ALG14: variants seen among roughly 807,000 people sequenced by gnomAD.
ALG14 encodes UDP-N-acetylglucosamine transferase subunit ALG14.
A neutral mutation model predicts 22.8 loss-of-function variants in ALG14; 17 were observed. That is an observed-to-expected ratio of 0.75 (90% CI 0.51 to 1.12). The LOEUF is 1.12. Among genes scored for constraint, ALG14 ranks in the 50% most tolerant of loss-of-function variants. The probability of loss-of-function intolerance (pLI) is 0.00; values close to 1 mark genes in which losing one functional copy is unlikely to be tolerated. For missense variants in ALG14, 288 were observed against 271.8 expected (o/e 1.06, Z -0.42); for synonymous variants, 89 against 103.7 (o/e 0.86, Z 0.86).
At chr1:95,062,989 A>T (rs961229126) in intron 2 of ALG14, among the ~76,000 whole-genome samples, 10 of 152,210 alleles carry the variant, frequency 6.6e-5, no homozygotes, top group African/African-American at 2.2e-4. Flanking sequence ...AATAATCGCC[A>T]TTCTGAGTGG....
intron 2 of ALG14, among the ~76,000 whole-genome samples, chr1:95,032,649 C>T (rs888796472): frequency 6.6e-6 from 1 of 152,158 alleles, no homozygotes; most frequent in African/African-American, 2.4e-5. Context: ...AGGGCATCCC[C>T]TTCTGCATCT....
chr1:95,034,590 C>A (rs1674122559), intron 2 of ALG14, among the ~76,000 whole-genome samples: 1 of 152,158 alleles, frequency 6.6e-6, no homozygotes, highest in African/African-American at 2.4e-5. Flanking sequence ...GGAATCTGGA[C>A]TTCCCTAAAG....
At chr1:95,028,030 A>G (rs1467111407) in intron 2 of ALG14, among the ~76,000 whole-genome samples, 1 of 152,274 alleles carries the variant, frequency 6.6e-6, no homozygotes, top group East Asian at 1.9e-4. Context: ...ATGAACTCGT[A>G]TGGAAGATAT....
At chr1:95,032,338 C>T (rs2100780786) in intron 2 of ALG14, among the ~76,000 whole-genome samples, 1 of 152,108 alleles carries the variant, frequency 6.6e-6, no homozygotes, top group East Asian at 1.9e-4. Flanking sequence ...TTTGCAAGGG[C>T]CACTCTTTAA....
At chr1:95,002,249 G>A (rs887117107) in intron 3 of ALG14, among the ~76,000 whole-genome samples, 2 of 152,202 alleles carry the variant, frequency 1.3e-5, no homozygotes, top group Admixed American at 6.5e-5. Context: ...GTACCTGGGG[G>A]GGGGAACCTG....
In ALG14 at chr1:95,024,482, T is replaced by C. The variant is rs148452918; in HGVS notation, c.420+2647A>G. 7.9e-5 allele frequency among the ~76,000 whole-genome samples: 12 copies of C among 152,324 alleles called. 1 individual carries two copies. In the East Asian group the frequency reaches 2.3e-3, roughly 29 times the overall value. ...AGCAAGTTAGCTAATATTAGCAGAATCTAATACATGTCTAAAGAAAATTGG... is the reference window on the plus strand; with the variant it reads ...AGCAAGTTAGCTAATATTAGCAGAACCTAATACATGTCTAAAGAAAATTGG... On this transcript the variant is annotated intron_variant, in intron 3 of 3. Transcript: ENST00000370205.
intron 3 of ALG14, among the ~76,000 whole-genome samples, chr1:95,002,253 G>C (rs906814420): frequency 6.6e-6 from 1 of 152,048 alleles, no homozygotes; most frequent in Non-Finnish European, 1.5e-5. Flanking sequence ...CTGGGGGGGG[G>C]AACCTGGAAG....
chr1:95,025,398 C>T (rs1354541979), intron 3 of ALG14, among the ~76,000 whole-genome samples: 2 of 152,130 alleles, frequency 1.3e-5, no homozygotes, highest in African/African-American at 4.8e-5. Context: ...ATAGATTTAG[C>T]ATAATTCTTA....
Position 94,975,298 on chromosome 1 carries a change from T to C in ALG14, c.*7778A>G, listed in dbSNP as rs1672372814. ...GTAACTTAGCCTACTGTTTACAAGGTTCATCCACACTGTAGCATGTATTAG... is the reference window on the plus strand; with the variant it reads ...GTAACTTAGCCTACTGTTTACAAGGCTCATCCACACTGTAGCATGTATTAG... On this transcript the variant is annotated 3_prime_UTR_variant, in exon 4 of 4. Coordinates refer to ENST00000370205, the MANE Select transcript of ALG14 (RefSeq NM_144988.4). The C allele has an allele frequency of 6.6e-6, 1 of 152,258 alleles. No individual in the cohort carries two copies. The highest frequency in any genetic ancestry group is 1.5e-5 in the Non-Finnish European group (1 of 68,060). The allele number at this position is 152,258 out of a possible 1,614,324, so 9.4% of individuals were successfully genotyped here.
chr1:95,004,952 C>T, intron 3 of ALG14, among the ~76,000 whole-genome samples: 1 of 152,088 alleles, frequency 6.6e-6, no homozygotes, highest in East Asian at 1.9e-4. Context: ...ATTACAGGTG[C>T]ATGCCACCAT....
intron 2 of ALG14, among the ~76,000 whole-genome samples, chr1:95,048,319 T>A (rs1674627925): frequency 6.6e-6 from 1 of 152,204 alleles, no homozygotes; most frequent in African/African-American, 2.4e-5. Context: ...AAACTCTATA[T>A]TTTTTTAAAT....
intron 3 of ALG14, 170 bp from the exon 4 acceptor site, chr1:94,983,476 T>G: frequency 1.6e-6 from 1 of 623,204 alleles, no homozygotes; most frequent in Non-Finnish European, 2.8e-6. Flanking sequence ...CCCATGCACT[T>G]TGGAGCCAGG....
At position 94,977,917 on chromosome 1, in the gene ALG14, C is replaced by T. The variant is rs1271633078; in HGVS notation, c.*5159G>A. 6.6e-6 allele frequency: 1 copy of T among 152,240 alleles called. No individual in the cohort carries two copies. Among genetic ancestry groups the T allele is most frequent in the Non-Finnish European group, 1.5e-5 (1 of 68,094 alleles). The allele number at this position is 152,240 out of a possible 1,614,324, so 9.4% of individuals were successfully genotyped here. On this transcript the variant is annotated 3_prime_UTR_variant, in exon 4 of 4. Coordinates refer to ENST00000370205, the MANE Select transcript of ALG14 (RefSeq NM_144988.4). ...CCATCCACCTCGGCCTCCCAAAGTG[C>T]TGGGATTACAAGTGTGAAACACTGT...
At chr1:95,019,622 T>C (rs1196249882) in intron 3 of ALG14, among the ~76,000 whole-genome samples, 5 of 152,184 alleles carry the variant, frequency 3.3e-5, no homozygotes, top group Non-Finnish European at 7.3e-5. Flanking sequence ...CCGCTTGGCT[T>C]ATATCTGCTG....
chr1:95,006,428 G>A (rs1673223226), intron 3 of ALG14, among the ~76,000 whole-genome samples: 1 of 152,180 alleles, frequency 6.6e-6, no homozygotes, highest in Admixed American at 6.5e-5. Context: ...TCACTAGTGA[G>A]AGATGGACAT....
intron 3 of ALG14, among the ~76,000 whole-genome samples, chr1:94,988,100 A>G (rs1166743690): frequency 6.6e-6 from 1 of 152,174 alleles, no homozygotes; most frequent in African/African-American, 2.4e-5. Flanking sequence ...TGGCTCGGGT[A>G]GGTAGCCTAC....
intron 2 of ALG14, among the ~76,000 whole-genome samples, chr1:95,028,371 A>C: frequency 6.6e-6 from 1 of 152,100 alleles, no homozygotes; most frequent in East Asian, 1.9e-4. Flanking sequence ...ATGTCCACCT[A>C]ATTTTTTTGT....
intron 1 of ALG14, among the ~76,000 whole-genome samples, chr1:95,071,256 C>T (rs1272780225): frequency 6.6e-6 from 1 of 152,110 alleles, no homozygotes; most frequent in African/African-American, 2.4e-5. Flanking sequence ...CTTTATAAAG[C>T]AGGATTTTAG....
At chr1:95,050,519 C>G (rs554129002) in intron 2 of ALG14, among the ~76,000 whole-genome samples, 4 of 152,176 alleles carry the variant, frequency 2.6e-5, no homozygotes, top group Non-Finnish European at 5.9e-5. Flanking sequence ...CTTCTATAAA[C>G]AGTTTTAAAT....
Sources: gnomAD v4.1 joint callset for allele counts (sites outside exome capture counted in the v4.1 genomes callset) on GRCh38, gnomAD v4.1.1 for gene constraint, MANE v1.5 for transcripts, NCBI Gene and HGNC (gene_info 2026-07-23, HGNC 2026-07-21) for gene names.